SLC26A5: variants seen among roughly 807,000 people sequenced by gnomAD.
SLC26A5 encodes solute carrier family 26 member 5, also known as prestin.
In SLC26A5, 51 loss-of-function variants were observed where a neutral mutation model predicts 81.0. The observed-to-expected ratio is 0.63, with a 90% CI of 0.50 to 0.80. The LOEUF is 0.80. Ranked by LOEUF, SLC26A5 falls within the 30% of genes least tolerant of loss-of-function variation. SLC26A5 has a pLI of 0.00. For missense variants in SLC26A5, 771 were observed against 905.8 expected (o/e 0.85, Z 1.91); for synonymous variants, 325 against 332.8 (o/e 0.98, Z 0.25).
intron 13 of SLC26A5, 98 bp from the exon 14 acceptor site, chr7:103,389,212 T>C: frequency 8.3e-7 from 1 of 1,202,888 alleles, no homozygotes; most frequent in Middle Eastern, 1.9e-4. Flanking sequence ...ACTTTTACCT[T>C]GTCTAACTGG....
rs377676317 is a variant in SLC26A5, at chr7:103,382,586, G to C, written c.1515-2037C>G. Among the ~76,000 whole-genome samples, 77 of 152,082 alleles carry C rather than the reference G, an allele frequency of 5.1e-4. No homozygotes were observed. The East Asian group carries it at 0.013, about 26-fold the overall frequency. On this transcript the variant is annotated intron_variant, in intron 14 of 19. Transcript: ENST00000306312. ...GCTGGTCTCAAACTCCTGACCTCAA[G>C]TCATCTACCCACCTCGGCCTCCCAA...
chr7:103,393,576 T>C (rs1421459584), intron 9 of SLC26A5, among the ~76,000 whole-genome samples: 6 of 144,690 alleles, frequency 4.1e-5, no homozygotes, highest in Non-Finnish European at 8.9e-5. Context: ...CCTGTGTGTG[T>C]GTGTGTGTGT....
At chr7:103,353,975 T>C in intron 19 of SLC26A5, 1 of 1,558,136 alleles carries the variant, frequency 6.4e-7, no homozygotes, top group Non-Finnish European at 8.8e-7. Context: ...CCTTTCAGTG[T>C]CTACAAACTA....
At chr7:103,381,071 C>T (rs1037642549) in intron 14 of SLC26A5, among the ~76,000 whole-genome samples, 1 of 151,224 alleles carries the variant, frequency 6.6e-6, no homozygotes, top group Non-Finnish European at 1.5e-5. Flanking sequence ...AATATACACA[C>T]ACTACACTAC....
chr7:103,423,059 C>T (rs989888368), intron 2 of SLC26A5, among the ~76,000 whole-genome samples: 6 of 144,378 alleles, frequency 4.2e-5, no homozygotes, highest in African/African-American at 1.3e-4. Flanking sequence ...GTCAGGAGTT[C>T]GAAACCAACC....
chr7:103,371,450 G>A (rs1031657009), downstream of SLC26A5, among the ~76,000 whole-genome samples: 11 of 149,674 alleles, frequency 7.3e-5, no homozygotes, highest in East Asian at 2.0e-4. Context: ...TCAGCCTCCC[G>A]AGTAGCTGGG....
intron 5 of SLC26A5, 40 bp downstream of exon 5, chr7:103,412,962 C>A: frequency 7.1e-7 from 1 of 1,401,712 alleles, no homozygotes; most frequent in South Asian, 1.2e-5. Context: ...GTTGGAAATA[C>A]ACAAGGAAAG....
At chr7:103,425,649 A>AAAT (rs1318820637) in intron 2 of SLC26A5, among the ~76,000 whole-genome samples, 1 of 152,140 alleles carries the variant, frequency 6.6e-6, no homozygotes, top group Non-Finnish European at 1.5e-5. Context: ...ATATAATACA[A>AAAT]AATAATAAAT....
At chr7:103,371,350 A>G, downstream of SLC26A5, among the ~76,000 whole-genome samples, 1 of 147,478 alleles carries the variant, frequency 6.8e-6, no homozygotes. Context: ...TTTGAGACGG[A>G]GTCTCGCTCT....
intron 19 of SLC26A5, chr7:103,364,405 G>A: frequency 5.8e-6 from 8 of 1,380,548 alleles, no homozygotes; most frequent in Non-Finnish European, 7.0e-6. Context: ...ATCCAGACCT[G>A]AAATTTCTTT....
intron 11 of SLC26A5, among the ~76,000 whole-genome samples, 196 bp downstream of exon 11, chr7:103,391,426 T>C (rs1822643407): frequency 6.6e-6 from 1 of 152,252 alleles, no homozygotes; most frequent in Non-Finnish European, 1.5e-5. Context: ...AACTGGAGAA[T>C]ATACCTCTTT....
chr7:103,372,459 G>A (rs1821094740), downstream of SLC26A5, among the ~76,000 whole-genome samples: 2 of 152,184 alleles, frequency 1.3e-5, no homozygotes, highest in South Asian at 4.1e-4. Context: ...TAGCAGAGGA[G>A]GCTTTAGACA....
chr7:103,387,843 A>G (rs1822316401), intron 14 of SLC26A5, among the ~76,000 whole-genome samples: 1 of 151,664 alleles, frequency 6.6e-6, no homozygotes, highest in African/African-American at 2.4e-5. Flanking sequence ...CACCATGCCC[A>G]GCTAATTTTT....
intron 2 of SLC26A5, among the ~76,000 whole-genome samples, chr7:103,442,458 C>T (rs192269392): frequency 3.9e-5 from 6 of 152,168 alleles, no homozygotes; most frequent in South Asian, 2.1e-4. Flanking sequence ...CTATTGAAAA[C>T]GATTGTATTC....
intron 19 of SLC26A5, among the ~76,000 whole-genome samples, chr7:103,360,200 C>G (rs1439143721): frequency 6.6e-6 from 1 of 151,998 alleles, no homozygotes; most frequent in Non-Finnish European, 1.5e-5. Flanking sequence ...AGGGAAAATG[C>G]ATTTCATAAT....
At chr7:103,404,247 T>C (rs1230479463) in intron 8 of SLC26A5, among the ~76,000 whole-genome samples, 1 of 152,232 alleles carries the variant, frequency 6.6e-6, no homozygotes, top group Non-Finnish European at 1.5e-5. Context: ...CTGGTTATTT[T>C]GCCCATTAGT....
chr7:103,418,444 T>A (rs1825090996), intron 4 of SLC26A5, among the ~76,000 whole-genome samples: 1 of 152,176 alleles, frequency 6.6e-6, no homozygotes, highest in Non-Finnish European at 1.5e-5. Flanking sequence ...CTTGACTGAA[T>A]GTCAGTTTGA....
At chr7:103,408,868 C>T (rs1824265918) in intron 7 of SLC26A5, among the ~76,000 whole-genome samples, 1 of 152,206 alleles carries the variant, frequency 6.6e-6, no homozygotes, top group African/African-American at 2.4e-5. Context: ...GTAGACTTCC[C>T]ACTCAGCCCA....
chr7:103,377,602 T>A lies in SLC26A5; in HGVS notation c.1983A>T (p.Ala661=). ...ACTCGTTCAAGAGGATGCTTACCCCTGCCAGAGTTTTCACTCCAACAGAAT... is the reference window on the plus strand; with the variant it reads ...ACTCGTTCAAGAGGATGCTTACCCCAGCCAGAGTTTTCACTCCAACAGAAT... ...FIDSVGVKTL[A]GIVKEYGDVG... is the part of the protein sequence containing the mutation. The change falls in exon 18 of 20, where the codon GCA becomes GCT. Residue 661 remains alanine, a synonymous_variant. Transcript: ENST00000306312. The A allele has an allele frequency of 6.2e-7, 1 of 1,614,076 alleles. No homozygotes were observed. Among genetic ancestry groups the A allele is most frequent in the Non-Finnish European group, 8.5e-7 (1 of 1,179,960 alleles).
Sources: allele counts gnomAD v4.1 joint callset (sites outside exome capture counted in the v4.1 genomes callset), GRCh38; gene constraint gnomAD v4.1.1; transcripts MANE v1.5; gene names NCBI Gene and HGNC (gene_info 2026-07-23, HGNC 2026-07-21).